LRP1B: variants seen among roughly 807,000 people sequenced by gnomAD.
LRP1B encodes the protein low-density lipoprotein receptor-related protein 1B.
Under a neutral mutation model 556.6 loss-of-function variants are expected in LRP1B, and 217 were observed. The observed-to-expected ratio is 0.39, with a 90% CI of 0.35 to 0.44. The LOEUF (loss-of-function observed/expected upper bound fraction) is 0.44. Ranked by LOEUF, LRP1B falls within the 20% of genes least tolerant of loss-of-function variation. The pLI, the probability that LRP1B is intolerant of heterozygous loss-of-function variation, is 1.00. For missense variants in LRP1B, 5,053 were observed against 5,620.8 expected, an observed-to-expected ratio of 0.90 and a Z score of 3.23; for synonymous variants, 2,047 against 1,865.8, an observed-to-expected ratio of 1.10 and a Z score of -2.50.
chr2:141,901,317 G>C (rs140373436), intron 1 of LRP1B, among the ~76,000 whole-genome samples: 9 of 152,048 alleles, frequency 5.9e-5, no homozygotes, highest in Middle Eastern at 3.4e-3. Flanking sequence ...AACAGAGAAG[G>C]CTGTGTATTT....
chr2:141,673,725 A>G (rs1690766604), intron 2 of LRP1B, among the ~76,000 whole-genome samples: 1 of 152,138 alleles, frequency 6.6e-6, no homozygotes, highest in Non-Finnish European at 1.5e-5. Context: ...AGCAATTTAC[A>G]AAAAGTTCTC....
chr2:141,755,990 G>C (rs1016321726), intron 2 of LRP1B, among the ~76,000 whole-genome samples: 1 of 122,124 alleles, frequency 8.2e-6, no homozygotes, highest in African/African-American at 3.0e-5. Context: ...ACAGAAAAAA[G>C]ATAAAGTAAA....
At chr2:141,105,778 C>T (rs1162030140) in intron 7 of LRP1B, among the ~76,000 whole-genome samples, 1 of 152,058 alleles carries the variant, frequency 6.6e-6, no homozygotes, top group Non-Finnish European at 1.5e-5. Flanking sequence ...ATTTATAAAA[C>T]TTACATTGGA....
chr2:141,716,887 T>A (rs997734624), intron 2 of LRP1B, among the ~76,000 whole-genome samples: 3 of 152,108 alleles, frequency 2.0e-5, no homozygotes, highest in Non-Finnish European at 4.4e-5. Context: ...AATTAGCAAT[T>A]TTGAACCTTT....
chr2:140,436,966 A>G (rs1403991783), intron 66 of LRP1B, among the ~76,000 whole-genome samples: 1 of 152,148 alleles, frequency 6.6e-6, no homozygotes, highest in Non-Finnish European at 1.5e-5. Context: ...TAGAAGTTAG[A>G]AGTATAAGCT....
At chr2:141,106,986 T>C (rs977949724) in intron 7 of LRP1B, among the ~76,000 whole-genome samples, 12 of 152,156 alleles carry the variant, frequency 7.9e-5, no homozygotes, top group Non-Finnish European at 1.2e-4. Flanking sequence ...ACTAATTGTT[T>C]TTTTTTTCTT....
intron 13 of LRP1B, 151 bp from the exon 14 acceptor site, chr2:141,013,896 A>G (rs1371120903): frequency 2.1e-6 from 1 of 478,928 alleles, no homozygotes; most frequent in African/African-American, 2.0e-5. Context: ...TGGATTTCAC[A>G]ATGTGAGCAT....
intron 83 of LRP1B, among the ~76,000 whole-genome samples, chr2:140,312,302 G>A (rs536508224): frequency 6.6e-6 from 1 of 152,050 alleles, no homozygotes; most frequent in African/African-American, 2.4e-5. Context: ...TTTAGGAGTA[G>A]AAGAAAGTAA....
rs1686667015 is a variant in LRP1B at position 140,702,137 on chromosome 2, T to C, written c.6302+4A>G. 6.2e-7 allele frequency: 1 copy of C among 1,611,138 alleles called. No homozygotes were observed. The highest frequency in any genetic ancestry group is 8.5e-7 in the Non-Finnish European group (1 of 1,178,962). On this transcript the variant is annotated splice_donor_region_variant and intron_variant, in intron 39 of 90. Coordinates refer to ENST00000389484, the MANE Select transcript of LRP1B (RefSeq NM_018557.3). ...ACTCAAATACTTATGAAAAAATAAA[T>C]TACCTGTCAGACCAGTAGATGTAAG...
intron 18 of LRP1B, among the ~76,000 whole-genome samples, chr2:140,966,252 T>A (rs1405520492): frequency 1.3e-5 from 2 of 152,200 alleles, no homozygotes; most frequent in South Asian, 4.1e-4. Context: ...CCATTCTAAC[T>A]GGTGTGAGAT....
chr2:141,059,105 T>C, intron 8 of LRP1B, 51 bp from the exon 9 acceptor site: 1 of 1,216,440 alleles, frequency 8.2e-7, no homozygotes, highest in Non-Finnish European at 1.1e-6. Context: ...TAGCTTGCAA[T>C]TTGAAAGAAA....
chr2:141,058,963 T>A lies in LRP1B; in HGVS notation c.1328A>T (p.Asn443Ile). 1 of 1,600,322 alleles carries A rather than the reference T, an allele frequency of 6.2e-7. No individual in the cohort carries two copies. The highest frequency in any genetic ancestry group is 8.5e-7 in the Non-Finnish European group (1 of 1,172,568). Residue 443 changes from asparagine to isoleucine, a missense_variant, in exon 9 of 91, where the codon AAT becomes ATT. Asn to Ile is a moderately radical substitution (Grantham distance 149, BLOSUM62 -3). Transcript: ENST00000389484. ...AATTAATGAGTGAATATCAGTCCCA[T>A]TAAATCGGTTTATCCTTACGATATT... is the stretch of plus-strand genomic sequence containing the variant. Reference protein sequence around the residue: ...NYNIVRINRFNGTDIHSLIKI... With the variant: ...NYNIVRINRFIGTDIHSLIKI...
At chr2:141,344,625 T>C (rs2105523952) in intron 3 of LRP1B, among the ~76,000 whole-genome samples, 1 of 152,288 alleles carries the variant, frequency 6.6e-6, no homozygotes, top group Non-Finnish European at 1.5e-5. Flanking sequence ...CTCATATATG[T>C]TATGTATTTA....
intron 22 of LRP1B, among the ~76,000 whole-genome samples, chr2:140,904,649 AATT>A: frequency 6.6e-6 from 1 of 152,108 alleles, no homozygotes; most frequent in African/African-American, 2.4e-5. Context: ...TTTCTCTAAC[AATT>A]CAATTCAAGT....
chr2:140,910,449 T>C (rs1694387248), intron 21 of LRP1B, among the ~76,000 whole-genome samples: 1 of 151,700 alleles, frequency 6.6e-6, no homozygotes, highest in Non-Finnish European at 1.5e-5. Context: ...ATGATAAAAA[T>C]ACAAACATGA....
intron 12 of LRP1B, among the ~76,000 whole-genome samples, chr2:141,018,643 A>G (rs1419890482): frequency 6.6e-6 from 1 of 152,066 alleles, no homozygotes; most frequent in Non-Finnish European, 1.5e-5. Flanking sequence ...ATCAGAAAAC[A>G]TTTTCTCTAA....
At chr2:140,583,430 C>T (rs1015656219) in intron 43 of LRP1B, among the ~76,000 whole-genome samples, 1 of 151,952 alleles carries the variant, frequency 6.6e-6, no homozygotes, top group Non-Finnish European at 1.5e-5. Flanking sequence ...CTTGCCTTGA[C>T]CTCCCAAACT....
At chr2:141,847,305 A>G (rs555947947) in intron 1 of LRP1B, among the ~76,000 whole-genome samples, 1 of 151,662 alleles carries the variant, frequency 6.6e-6, no homozygotes, top group African/African-American at 2.4e-5. Flanking sequence ...GAAGTGCTGA[A>G]TAAGTAGAAA....
At chr2:142,085,140 T>C (rs1023267540) in intron 1 of LRP1B, among the ~76,000 whole-genome samples, 1 of 152,224 alleles carries the variant, frequency 6.6e-6, no homozygotes, top group African/African-American at 2.4e-5. Flanking sequence ...AGAGGATTTC[T>C]TCTCACATCC....
Sources: allele counts gnomAD v4.1 joint callset (sites outside exome capture counted in the v4.1 genomes callset), GRCh38; gene constraint gnomAD v4.1.1; transcripts MANE v1.5; gene names NCBI Gene and HGNC (gene_info 2026-07-23, HGNC 2026-07-21).